Variants in JAZF1 observed in about 807,000 individuals in gnomAD.
JAZF1 encodes the protein JAZF zinc finger 1.
JAZF1 carries 8 observed loss-of-function variants against 26.4 expected under a neutral mutation model. The ratio of observed to expected loss-of-function variants is 0.30; its 90% CI spans 0.18 to 0.55. JAZF1 has a LOEUF of 0.55. Ranked by LOEUF, JAZF1 falls within the 20% of genes least tolerant of loss-of-function variation. The probability of loss-of-function intolerance (pLI) is 0.94; values close to 1 mark genes in which losing one functional copy is unlikely to be tolerated. For missense variants in JAZF1, 199 were observed against 322.0 expected (o/e 0.62, Z 2.92); for synonymous variants, 126 against 122.3 (o/e 1.03, Z -0.20).
At chr7:28,123,305 CA>C (rs1203227870) in intron 1 of JAZF1, among the ~76,000 whole-genome samples, 1 of 152,182 alleles carries the variant, frequency 6.6e-6, no homozygotes, top group East Asian at 1.9e-4. Flanking sequence ...GATCTCAGTT[CA>C]ACCAGCAAAG....
At chr7:27,889,249 G>A (rs182925694) in intron 3 of JAZF1, among the ~76,000 whole-genome samples, 17 of 151,774 alleles carry the variant, frequency 1.1e-4, no homozygotes, top group South Asian at 6.2e-4. Flanking sequence ...TGATTTCAAC[G>A]TTCATCCTGA....
chr7:28,068,606 A>G (rs1783923416), intron 1 of JAZF1, among the ~76,000 whole-genome samples: 1 of 152,198 alleles, frequency 6.6e-6, no homozygotes, highest in Admixed American at 6.5e-5. Flanking sequence ...AAGAGCAGGA[A>G]AAGTAAAGCA....
At chr7:27,928,800 G>A (rs1471635899) in intron 2 of JAZF1, among the ~76,000 whole-genome samples, 1 of 152,166 alleles carries the variant, frequency 6.6e-6, no homozygotes, top group Admixed American at 6.5e-5. Context: ...GGCGGAGGGT[G>A]GAAGGAGGGA....
chr7:27,963,632 G>C (rs1364811540), intron 2 of JAZF1, among the ~76,000 whole-genome samples: 1 of 141,444 alleles, frequency 7.1e-6, no homozygotes. Context: ...TGCAATCACA[G>C]TTCACTGCAG....
At position 28,134,341 on chromosome 7, in the gene JAZF1, C is replaced by T. The variant is rs796683923; in HGVS notation, c.115+46122G>A. ...AGAGAGACAGGGTCTTGCTCTGTCACCCAGGCTGGAGTGGAGTGGCACAAA... is the reference window on the plus strand; with the variant it reads ...AGAGAGACAGGGTCTTGCTCTGTCATCCAGGCTGGAGTGGAGTGGCACAAA... On this transcript the variant is annotated intron_variant, in intron 1 of 4. Transcript: ENST00000283928. Among the ~76,000 whole-genome samples, 46 of 152,250 alleles carry T rather than the reference C, an allele frequency of 3.0e-4. 1 individual carries two copies. The highest frequency in any genetic ancestry group is 1.1e-3 in the African/African-American group (46 of 41,546).
At chr7:28,070,768 C>T (rs1288438921) in intron 1 of JAZF1, among the ~76,000 whole-genome samples, 2 of 152,218 alleles carry the variant, frequency 1.3e-5, no homozygotes, top group African/African-American at 2.4e-5. Context: ...ATATTCTCTT[C>T]ATGACATTCA....
rs1783523019 is a variant in JAZF1, at chr7:28,047,828, A to AT, written c.116-55848dup. 2.0e-5 allele frequency among the ~76,000 whole-genome samples: 3 copies of AT among 152,214 alleles called. No individual in the cohort carries two copies. In the South Asian group the frequency reaches 6.2e-4, roughly 32 times the overall value. ...TAAGTTTACAATACCACGGAGTATTATTTTTCTGGTATTTTGCTGTACTTG... is the reference window on the plus strand; with the variant it reads ...TAAGTTTACAATACCACGGAGTATTATTTTTTCTGGTATTTTGCTGTACTTG... On this transcript the variant is annotated intron_variant, in intron 1 of 4. Transcript: ENST00000283928.
intron 2 of JAZF1, among the ~76,000 whole-genome samples, chr7:27,947,145 G>A (rs530835370): frequency 1.3e-5 from 2 of 152,268 alleles, no homozygotes; most frequent in African/African-American, 4.8e-5. Context: ...AAAGCCTCCT[G>A]TTACTTATGC....
rs1038878656 is a variant in JAZF1 at position 28,065,305 on chromosome 7, G to C, written c.116-73324C>G. On this transcript the variant is annotated intron_variant, in intron 1 of 4. Transcript: ENST00000283928. ...GAGTGAAAACCTGGGTAGAGTAGAG[G>C]AGTGGGTGAGAGAAGCGGGGAGGCG... Among the ~76,000 whole-genome samples the C allele has an allele frequency of 4.6e-5, 7 of 152,018 alleles. No individual in the cohort carries two copies. In the East Asian group the frequency reaches 9.7e-4, roughly 21 times the overall value.
chr7:28,066,188 C>T (rs906632527), intron 1 of JAZF1, among the ~76,000 whole-genome samples: 4 of 152,122 alleles, frequency 2.6e-5, no homozygotes, highest in Admixed American at 2.0e-4. Flanking sequence ...ATTACAGAAA[C>T]AAATCTCTAA....
At chr7:28,130,231 T>C (rs970538007) in intron 1 of JAZF1, among the ~76,000 whole-genome samples, 1 of 152,090 alleles carries the variant, frequency 6.6e-6, no homozygotes, top group African/African-American at 2.4e-5. Context: ...TCCACTTTAA[T>C]GAAATGTATT....
At chr7:28,055,806 G>C (rs1412338480) in intron 1 of JAZF1, among the ~76,000 whole-genome samples, 5 of 152,108 alleles carry the variant, frequency 3.3e-5, no homozygotes, top group African/African-American at 1.2e-4. Flanking sequence ...CTTTAATACA[G>C]ATCATTTCTA....
intron 2 of JAZF1, among the ~76,000 whole-genome samples, chr7:27,984,130 G>A (rs1287288947): frequency 3.9e-5 from 6 of 152,182 alleles, no homozygotes; most frequent in Non-Finnish European, 7.3e-5. Context: ...TGGGCTAAAT[G>A]CTCCAATTAA....
chr7:27,865,557 A>T (rs903034272), intron 3 of JAZF1, among the ~76,000 whole-genome samples: 1 of 152,194 alleles, frequency 6.6e-6, no homozygotes, highest in Non-Finnish European at 1.5e-5. Flanking sequence ...CCCAGAAAAA[A>T]CATACTACTG....
At chr7:27,869,871 C>A (rs1014037181) in intron 3 of JAZF1, among the ~76,000 whole-genome samples, 8 of 152,112 alleles carry the variant, frequency 5.3e-5, no homozygotes, top group Admixed American at 5.2e-4. Flanking sequence ...ATTTTCCTAG[C>A]CCCTCCACCA....
Position 27,858,049 on chromosome 7 carries a change from T to C in JAZF1, c.386-17182A>G, listed in dbSNP as rs191189994. ...AAGCTGATAAGCAACTTCAGCAAAG[T>C]CTCAGGATGCAAAATAAATGTGCAA... On this transcript the variant is annotated intron_variant, in intron 3 of 4. Transcript: ENST00000283928. Among the ~76,000 whole-genome samples the C allele has an allele frequency of 5.7e-4, 87 of 152,240 alleles. No homozygotes were observed. In the East Asian group the frequency reaches 0.016, roughly 29 times the overall value.
rs1212613150 is a variant in JAZF1 at position 27,916,923 on chromosome 7, A to C, written c.189-21507T>G. On this transcript the variant is annotated intron_variant, in intron 2 of 4. Coordinates refer to ENST00000283928, the MANE Select transcript of JAZF1 (RefSeq NM_175061.4). ...CATTTTAGTGAGAAGGCAAATTTAC[A>C]AACACCTAATCCACAGATAATAGCA... Among the ~76,000 whole-genome samples, 5 of 152,234 alleles carry C rather than the reference A, an allele frequency of 3.3e-5. No homozygotes were observed. The East Asian group carries it at 9.6e-4, about 29-fold the overall frequency.
At chr7:28,106,226 C>T (rs1243052194) in intron 1 of JAZF1, among the ~76,000 whole-genome samples, 1 of 152,124 alleles carries the variant, frequency 6.6e-6, no homozygotes, top group Non-Finnish European at 1.5e-5. Context: ...GGCATTTTTC[C>T]TTCCGAAGAG....
chr7:28,055,462 G>C (rs748528660), intron 1 of JAZF1, among the ~76,000 whole-genome samples: 1 of 152,090 alleles, frequency 6.6e-6, no homozygotes, highest in East Asian at 1.9e-4. Flanking sequence ...ACTTTGGTGC[G>C]TGTGATTTCC....
Sources: allele counts gnomAD v4.1 joint callset (sites outside exome capture counted in the v4.1 genomes callset), GRCh38; gene constraint gnomAD v4.1.1; transcripts MANE v1.5; gene names NCBI Gene and HGNC (gene_info 2026-07-23, HGNC 2026-07-21).